The following TMEM132C variants were observed in gnomAD, a reference collection of about 807,000 sequenced individuals.
TMEM132C encodes the protein transmembrane protein 132C, also known as protein phosphatase 1, regulatory subunit 152.
A neutral mutation model predicts 61.4 loss-of-function variants in TMEM132C; 29 were observed. That is an observed-to-expected ratio of 0.47 (90% CI 0.35 to 0.64). The LOEUF (loss-of-function observed/expected upper bound fraction) is 0.64. Ranked by LOEUF, TMEM132C falls within the 30% of genes least tolerant of loss-of-function variation. The pLI, the probability that TMEM132C is intolerant of heterozygous loss-of-function variation, is 0.00. For missense variants in TMEM132C, 1,408 were observed against 1,476.9 expected, an observed-to-expected ratio of 0.95 and a Z score of 0.76; for synonymous variants, 656 against 633.1, an observed-to-expected ratio of 1.04 and a Z score of -0.54.
intron 3 of TMEM132C, among the ~76,000 whole-genome samples, chr12:128,596,334 C>T (rs111450675): frequency 3.3e-5 from 4 of 122,346 alleles, no homozygotes; most frequent in Non-Finnish European, 5.1e-5. Flanking sequence ...CCTGTGTTCT[C>T]TCCATCACAC....
intron 2 of TMEM132C, chr12:128,439,319 T>C (rs1481836373): frequency 6.6e-6 from 1 of 152,192 alleles, no homozygotes; most frequent in Non-Finnish European, 1.5e-5. Flanking sequence ...TAGGGTCCAC[T>C]CAGCCACAAA....
intron 1 of TMEM132C, among the ~76,000 whole-genome samples, chr12:128,321,043 A>G (rs1379725396): frequency 6.6e-6 from 1 of 151,448 alleles, no homozygotes; most frequent in East Asian, 1.9e-4. Flanking sequence ...TCAGGGACTC[A>G]CAAAACCTGG....
chr12:128,546,221 A>C (rs994979121), intron 3 of TMEM132C, among the ~76,000 whole-genome samples: 2 of 152,218 alleles, frequency 1.3e-5, no homozygotes, highest in African/African-American at 4.8e-5. Flanking sequence ...ACATGGCCAG[A>C]AAGAAATGTG....
intron 3 of TMEM132C, among the ~76,000 whole-genome samples, chr12:128,583,785 T>C (rs374146496): frequency 2.6e-5 from 4 of 152,196 alleles, no homozygotes; most frequent in African/African-American, 9.6e-5. Context: ...CAGCGAGGGC[T>C]GAAGAAGCTG....
In TMEM132C at chr12:128,490,135, G is replaced by A. The variant is rs537960944; in HGVS notation, c.975-53822G>A. Among the ~76,000 whole-genome samples, 87 of 152,290 alleles carry A rather than the reference G, an allele frequency of 5.7e-4. 1 individual carries two copies. The highest frequency in any genetic ancestry group is 1.9e-3 in the African/African-American group (80 of 41,572). ...AGGCTAGCAAGGGAGGTGATTGGGGGAAGGAGGCCCTTATGTCGCCCTATC... is the reference window on the plus strand; with the variant it reads ...AGGCTAGCAAGGGAGGTGATTGGGGAAAGGAGGCCCTTATGTCGCCCTATC... On this transcript the variant is annotated intron_variant, in intron 2 of 8. Coordinates refer to ENST00000435159, the MANE Select transcript of TMEM132C (RefSeq NM_001136103.3).
In TMEM132C at chr12:128,680,353, GATCACCA is replaced by G. The variant is rs1462075537; in HGVS notation, c.1449+10795_1449+10801del. ...CCAGGATTCGAACTCAGGTCTGCCT[GATCACCA>G]AGCCCACATGGCCTCAGATTCCCAG... On this transcript the variant is annotated intron_variant, in intron 5 of 8. Transcript: ENST00000435159. Among the ~76,000 whole-genome samples, 6 of 152,312 alleles carry G rather than the reference GATCACCA, an allele frequency of 3.9e-5. No homozygotes were observed. In the South Asian group the frequency reaches 1.0e-3, roughly 26 times the overall value.
chr12:128,303,413 C>T (rs2135920192), intron 1 of TMEM132C, among the ~76,000 whole-genome samples: 1 of 152,224 alleles, frequency 6.6e-6, no homozygotes, highest in Middle Eastern at 3.4e-3. Flanking sequence ...CGTGACTGAG[C>T]CTGATTCCAA....
intron 2 of TMEM132C, among the ~76,000 whole-genome samples, chr12:128,425,578 C>T (rs931675686): frequency 6.6e-6 from 1 of 152,196 alleles, no homozygotes; most frequent in African/African-American, 2.4e-5. Flanking sequence ...TTGTCCCAAA[C>T]TTGGTGGCTT....
At chr12:128,640,398 T>A (rs912731871) in intron 4 of TMEM132C, among the ~76,000 whole-genome samples, 3 of 152,136 alleles carry the variant, frequency 2.0e-5, no homozygotes, top group African/African-American at 7.2e-5. Context: ...TGCTGTATGA[T>A]TCCATTTATG....
intron 2 of TMEM132C, among the ~76,000 whole-genome samples, chr12:128,506,070 A>T (rs1007278830): frequency 2.0e-5 from 3 of 152,192 alleles, no homozygotes; most frequent in Non-Finnish European, 4.4e-5. Context: ...AAGCCTGGAT[A>T]TAAGCAGTTC....
Position 128,449,475 on chromosome 12 carries a change from A to G in TMEM132C, c.974+33855A>G, listed in dbSNP as rs142006724. Among the ~76,000 whole-genome samples the G allele has an allele frequency of 1.6e-4, 25 of 152,362 alleles. No individual in the cohort carries two copies. In the East Asian group the frequency reaches 4.8e-3, roughly 29 times the overall value. On this transcript the variant is annotated intron_variant, in intron 2 of 8. Coordinates refer to ENST00000435159, the MANE Select transcript of TMEM132C (RefSeq NM_001136103.3). ...CCACTGCTAGAAACAAGTAGACCAG[A>G]TAACTTCTTATTAGTTCATGCTTTG...
intron 2 of TMEM132C, among the ~76,000 whole-genome samples, chr12:128,441,203 C>T (rs778716613): frequency 6.6e-6 from 1 of 152,182 alleles, no homozygotes; most frequent in South Asian, 2.1e-4. Flanking sequence ...TTCTGCACGG[C>T]GATGAGTGCG....
chr12:128,705,297 G>T lies in TMEM132C; in HGVS notation c.2329G>T (p.Glu777Ter). The change falls in exon 9 of 9, where the codon GAG becomes TAG. Residue 777 changes from glutamate (E) to a stop codon, truncating the protein, a stop_gained. Coordinates refer to ENST00000435159, the MANE Select transcript of TMEM132C (RefSeq NM_001136103.3). LOFTEE classifies it low-confidence loss of function (END_TRUNC). ...GATCCGAGTGGACATGACGATCGCCGAGGCCTGCCAGAAATCTAAACGCAA... is the reference window on the plus strand; with the variant it reads ...GATCCGAGTGGACATGACGATCGCCTAGGCCTGCCAGAAATCTAAACGCAA... Reference protein sequence around the residue: ...PLIRVDMTIAEACQKSKRKSI... With the variant: ...PLIRVDMTIA 1 of 1,551,390 alleles carries T rather than the reference G, an allele frequency of 6.4e-7. No homozygotes were observed. The highest frequency in any genetic ancestry group is 8.7e-7 in the Non-Finnish European group (1 of 1,146,814).
intron 2 of TMEM132C, among the ~76,000 whole-genome samples, chr12:128,507,384 CTTTTTTTTTTTTTCTTTCTT>C (rs1872402824): frequency 2.7e-5 from 3 of 111,582 alleles, no homozygotes; most frequent in East Asian, 5.2e-4. Context: ...GTGTTTTTTT[CTTTTTTTTTTTTTCTTTCTT>C]TTTTTTTTTT....
chr12:128,277,684 A>G (rs2135895918), intron 1 of TMEM132C, among the ~76,000 whole-genome samples: 1 of 152,340 alleles, frequency 6.6e-6, no homozygotes, highest in East Asian at 1.9e-4. Flanking sequence ...GCAAAACCCT[A>G]TTCATCAACC....
At position 128,654,835 on chromosome 12, in the gene TMEM132C, G is replaced by C. The variant is rs143893209; in HGVS notation, c.1306-14582G>C. ...GAGGTGACAGAGAAGGCGTAACTAA[G>C]AACAGCCTCCCTATGGATGGGCCTG... On this transcript the variant is annotated intron_variant, in intron 4 of 8. Coordinates refer to ENST00000435159, the MANE Select transcript of TMEM132C (RefSeq NM_001136103.3). Among the ~76,000 whole-genome samples, 10 of 152,332 alleles carry C rather than the reference G, an allele frequency of 6.6e-5. No individual in the cohort carries two copies. The East Asian group carries it at 1.9e-3, about 29-fold the overall frequency.
intron 1 of TMEM132C, among the ~76,000 whole-genome samples, chr12:128,270,887 G>A (rs554079292): frequency 8.6e-5 from 13 of 152,030 alleles, no homozygotes; most frequent in East Asian, 3.9e-4. Flanking sequence ...TAGTGCTTGC[G>A]AACTTCAGGA....
intron 4 of TMEM132C, among the ~76,000 whole-genome samples, chr12:128,627,168 C>A (rs965660449): frequency 6.6e-6 from 1 of 152,236 alleles, no homozygotes; most frequent in Non-Finnish European, 1.5e-5. Context: ...GCGTTCCCTG[C>A]CCCCATTCCA....
At chr12:128,588,972 G>A (rs534344551) in intron 3 of TMEM132C, among the ~76,000 whole-genome samples, 1 of 152,320 alleles carries the variant, frequency 6.6e-6, no homozygotes, top group South Asian at 2.1e-4. Flanking sequence ...GATTTTATGA[G>A]ACAGTCTATG....
Sources: gnomAD v4.1 joint callset for allele counts (sites outside exome capture counted in the v4.1 genomes callset) on GRCh38, gnomAD v4.1.1 for gene constraint, MANE v1.5 for transcripts, NCBI Gene and HGNC (gene_info 2026-07-23, HGNC 2026-07-21) for gene names.